The following GPHN variants were observed in gnomAD, a reference collection of about 807,000 sequenced individuals.
GPHN encodes the protein gephyrin.
A neutral mutation model predicts 95.5 loss-of-function variants in GPHN; 17 were observed. The ratio of observed to expected loss-of-function variants is 0.18; its 90% CI spans 0.12 to 0.27. The LOEUF (loss-of-function observed/expected upper bound fraction) is 0.27. GPHN is among the 10% of genes least tolerant of loss of function. The pLI is 1.00. For synonymous variants in GPHN, 320 were observed against 322.5 expected (o/e 0.99, Z 0.08); for missense variants, 660 against 978.1 (o/e 0.67, Z 4.34).
At chr14:66,639,613 TA>T (rs2064283453) in intron 1 of GPHN, among the ~76,000 whole-genome samples, 1 of 125,904 alleles carries the variant, frequency 7.9e-6, no homozygotes, top group Non-Finnish European at 1.5e-5. Flanking sequence ...TGGTGATGAT[TA>T]TTTTTTTTTT....
At chr14:66,840,511 G>A (rs1185673931) in intron 4 of GPHN, among the ~76,000 whole-genome samples, 1 of 151,956 alleles carries the variant, frequency 6.6e-6, no homozygotes, top group East Asian at 1.9e-4. Flanking sequence ...AGATTTTGTA[G>A]GCATATGGTC....
chr14:67,547,465 G>A, the GPHN span, among the ~76,000 whole-genome samples: 1 of 152,316 alleles, frequency 6.6e-6, no homozygotes, highest in African/African-American at 2.4e-5. Flanking sequence ...GGTTTCTTAG[G>A]AGAGCTCCTG....
intron 1 of GPHN, among the ~76,000 whole-genome samples, chr14:66,646,750 G>T (rs2064769199): frequency 6.6e-6 from 1 of 152,102 alleles, no homozygotes; most frequent in Non-Finnish European, 1.5e-5. Context: ...GGGAGCTGTT[G>T]TTTAATGGGT....
chr14:67,639,886 C>G, the GPHN span, among the ~76,000 whole-genome samples: 3 of 137,342 alleles, frequency 2.2e-5, no homozygotes, highest in Admixed American at 8.1e-5. Context: ...GATTGTGCCA[C>G]TGCACTCCAG....
At chr14:67,459,935 C>T in the GPHN span, among the ~76,000 whole-genome samples, 1 of 152,276 alleles carries the variant, frequency 6.6e-6, no homozygotes, top group Non-Finnish European at 1.5e-5. Context: ...TGCAAACATG[C>T]AAATAGCCAG....
chr14:66,963,878 G>T (rs1347706123), intron 8 of GPHN, among the ~76,000 whole-genome samples: 1 of 152,130 alleles, frequency 6.6e-6, no homozygotes, highest in Non-Finnish European at 1.5e-5. Context: ...AGGCAGAAAT[G>T]ATGCATAATA....
At chr14:67,128,224 T>G (rs1050227308) in intron 17 of GPHN, among the ~76,000 whole-genome samples, 1 of 152,116 alleles carries the variant, frequency 6.6e-6, no homozygotes, top group Admixed American at 6.5e-5. Flanking sequence ...CAAATTTATG[T>G]GAGTTTATAT....
chr14:67,321,255 C>T, the GPHN span: 1 of 1,613,942 alleles, frequency 6.2e-7, no homozygotes, highest in Non-Finnish European at 8.5e-7. Flanking sequence ...AGTCTTCGTA[C>T]ACAGGTAAAG....
the GPHN span, among the ~76,000 whole-genome samples, chr14:67,521,768 T>C: frequency 6.6e-6 from 1 of 152,144 alleles, no homozygotes; most frequent in Non-Finnish European, 1.5e-5. Flanking sequence ...AAGACCAAAG[T>C]TAAAAGAAAT....
At chr14:67,502,848 C>G in the GPHN span, among the ~76,000 whole-genome samples, 4 of 152,164 alleles carry the variant, frequency 2.6e-5, no homozygotes, top group African/African-American at 9.7e-5. Context: ...TAAATACTTT[C>G]TGTGTGTAAA....
At chr14:67,700,940 C>T in the GPHN span, among the ~76,000 whole-genome samples, 1 of 145,660 alleles carries the variant, frequency 6.9e-6, no homozygotes, top group Non-Finnish European at 1.5e-5. Flanking sequence ...AGGAGAATCA[C>T]TTGAACCTGG....
At chr14:66,915,782 C>T (rs1206069868) in intron 5 of GPHN, among the ~76,000 whole-genome samples, 3 of 152,154 alleles carry the variant, frequency 2.0e-5, no homozygotes, top group Non-Finnish European at 4.4e-5. Context: ...TCTGATTCCA[C>T]ATTCAGTACA....
At chr14:67,695,984 T>C in the GPHN span, among the ~76,000 whole-genome samples, 147,695 of 152,236 alleles carry the variant, frequency 0.97, 71,777 homozygotes, top group East Asian at 1. Context: ...GCCTTCTGAA[T>C]ACTCAGTTCT....
At chr14:66,800,124 A>G (rs1007799043) in intron 3 of GPHN, among the ~76,000 whole-genome samples, 88 of 151,984 alleles carry the variant, frequency 5.8e-4, no homozygotes, top group African/African-American at 2.1e-3. Flanking sequence ...CCACTGTTTA[A>G]CTTTTTGTTT....
chr14:66,571,598 G>T, intron 1 of GPHN, among the ~76,000 whole-genome samples: 1 of 152,012 alleles, frequency 6.6e-6, no homozygotes, highest in East Asian at 1.9e-4. Flanking sequence ...ATCACTTGAG[G>T]TCAGGAGTTT....
At chr14:67,296,411 T>C in the GPHN span, among the ~76,000 whole-genome samples, 6 of 151,776 alleles carry the variant, frequency 4.0e-5, no homozygotes, top group East Asian at 1.9e-4. Context: ...CCATCCTGGC[T>C]AACATGGTGA....
intron 10 of GPHN, among the ~76,000 whole-genome samples, chr14:67,035,162 C>T (rs1222349697): frequency 1.3e-5 from 2 of 150,018 alleles, no homozygotes; most frequent in Non-Finnish European, 3.0e-5. Context: ...ACCAGTAGGT[C>T]AAAGGAAAAA....
chr14:67,374,612 A>G, the GPHN span: 1 of 1,040,496 alleles, frequency 9.6e-7, no homozygotes, highest in Non-Finnish European at 1.4e-6. Flanking sequence ...TTGAAATCTT[A>G]ATTTCATACT....
intron 10 of GPHN, among the ~76,000 whole-genome samples, chr14:67,028,089 A>G (rs1433769773): frequency 1.3e-5 from 2 of 152,114 alleles, no homozygotes; most frequent in Non-Finnish European, 2.9e-5. Context: ...AGTGAGGTCA[A>G]CTTTTTTAAC....
Sources: gnomAD v4.1 joint callset for allele counts (sites outside exome capture counted in the v4.1 genomes callset) on GRCh38, gnomAD v4.1.1 for gene constraint, MANE v1.5 for transcripts, NCBI Gene and HGNC (gene_info 2026-07-23, HGNC 2026-07-21) for gene names.